ATE1: variants seen among roughly 807,000 people sequenced by gnomAD.
The protein encoded by ATE1 is arginyltransferase 1, also known as arginyl-tRNA--protein transferase 1.
Under a neutral mutation model 70.5 loss-of-function variants are expected in ATE1, and 36 were observed. The observed-to-expected ratio is 0.51, with a 90% CI of 0.39 to 0.67. The LOEUF (loss-of-function observed/expected upper bound fraction) is 0.67. Ranked by LOEUF, ATE1 falls within the 30% of genes least tolerant of loss-of-function variation. ATE1 has a pLI of 0.00. For synonymous variants in ATE1, 232 were observed against 219.3 expected (o/e 1.06, Z -0.51); for missense variants, 593 against 629.5 (o/e 0.94, Z 0.62).
chr10:121,780,541 C>T (rs1271400833), intron 11 of ATE1, among the ~76,000 whole-genome samples: 2 of 152,226 alleles, frequency 1.3e-5, no homozygotes, highest in African/African-American at 4.8e-5. Context: ...TCAAAGAACA[C>T]ATCTGCCAAA....
At chr10:121,796,191 G>T (rs996176652) in intron 10 of ATE1, among the ~76,000 whole-genome samples, 2 of 151,940 alleles carry the variant, frequency 1.3e-5, no homozygotes, top group African/African-American at 4.8e-5. Flanking sequence ...CGTCCAACAA[G>T]AACAAAAGGA....
chr10:121,908,288 G>A (rs557256795), intron 5 of ATE1, among the ~76,000 whole-genome samples: 1 of 152,312 alleles, frequency 6.6e-6, no homozygotes, highest in South Asian at 2.1e-4. Context: ...TGGATCACCT[G>A]AGGTCAGGAG....
chr10:121,868,684 C>G (rs548900563), intron 8 of ATE1, among the ~76,000 whole-genome samples: 1 of 152,044 alleles, frequency 6.6e-6, no homozygotes, highest in Non-Finnish European at 1.5e-5. Flanking sequence ...ATGACTTGCC[C>G]GTGGGCTACT....
At chr10:121,922,305 A>G (rs758983743) in intron 3 of ATE1, 44 bp downstream of exon 3, 1 of 1,335,446 alleles carries the variant, frequency 7.5e-7, no homozygotes, top group Admixed American at 1.9e-5. Flanking sequence ...ATTATACACA[A>G]TCTTCATACT....
chr10:121,787,151 A>T (rs1474402284), intron 11 of ATE1, among the ~76,000 whole-genome samples: 1 of 152,220 alleles, frequency 6.6e-6, no homozygotes, highest in Non-Finnish European at 1.5e-5. Context: ...ACACACCTTG[A>T]AGCCACAGTT....
At chr10:121,800,444 C>T (rs1349879915) in intron 10 of ATE1, among the ~76,000 whole-genome samples, 6 of 152,170 alleles carry the variant, frequency 3.9e-5, no homozygotes, top group African/African-American at 1.4e-4. Flanking sequence ...AACGAACTTT[C>T]CTTTGAACTC....
intron 7 of ATE1, among the ~76,000 whole-genome samples, chr10:121,886,583 TTAA>T (rs1271850904): frequency 6.6e-6 from 1 of 152,188 alleles, no homozygotes; most frequent in Non-Finnish European, 1.5e-5. Flanking sequence ...AATCACTGGG[TTAA>T]TAATATCTTA....
intron 8 of ATE1, among the ~76,000 whole-genome samples, chr10:121,844,543 A>C (rs1397290500): frequency 1.3e-5 from 2 of 152,208 alleles, no homozygotes; most frequent in Non-Finnish European, 2.9e-5. Context: ...AAAATTAAAG[A>C]TCTCAACATA....
In ATE1 at chr10:121,741,973, T is replaced by C. The variant is rs1260428249; in HGVS notation, c.*1707A>G. 6.6e-6 allele frequency: 1 copy of C among 152,222 alleles called. No individual in the cohort carries two copies. Among genetic ancestry groups the C allele is most frequent in the Non-Finnish European group, 1.5e-5 (1 of 68,044 alleles). The allele number at this position is 152,222 out of a possible 1,614,324, so 9.4% of individuals were successfully genotyped here. On this transcript the variant is annotated 3_prime_UTR_variant, in exon 12 of 12. Transcript: ENST00000224652. ...TTATAATCATAAAATGAAGCTCTTT[T>C]CATTTTAGAGGAAAAAGAGAAAAAA...
intron 10 of ATE1, among the ~76,000 whole-genome samples, chr10:121,814,875 C>T (rs1282940200): frequency 6.6e-6 from 1 of 152,210 alleles, no homozygotes; most frequent in African/African-American, 2.4e-5. Context: ...TACCAAACAT[C>T]TCTGCCCCAC....
At chr10:121,911,488 A>G (rs1245154587) in intron 4 of ATE1, among the ~76,000 whole-genome samples, 1 of 152,046 alleles carries the variant, frequency 6.6e-6, no homozygotes, top group Non-Finnish European at 1.5e-5. Flanking sequence ...TAGCAGGGCA[A>G]TGTACTGCCA....
At chr10:121,833,821 A>G (rs1409404860) in intron 10 of ATE1, among the ~76,000 whole-genome samples, 1 of 152,158 alleles carries the variant, frequency 6.6e-6, no homozygotes, top group African/African-American at 2.4e-5. Flanking sequence ...AAAATGGGGA[A>G]TAATTATCTT....
At chr10:121,788,851 T>A (rs1004758805) in intron 11 of ATE1, among the ~76,000 whole-genome samples, 2 of 152,242 alleles carry the variant, frequency 1.3e-5, no homozygotes, top group Non-Finnish European at 2.9e-5. Context: ...GTCAACTTAA[T>A]GCAACCCATC....
intron 11 of ATE1, among the ~76,000 whole-genome samples, chr10:121,745,929 T>C (rs565307781): frequency 3.3e-5 from 5 of 152,242 alleles, no homozygotes; most frequent in South Asian, 4.1e-4. Context: ...CAAAGGAAGA[T>C]AGACTGTTAA....
intron 11 of ATE1, among the ~76,000 whole-genome samples, chr10:121,768,184 C>G (rs541832787): frequency 6.6e-6 from 1 of 152,204 alleles, no homozygotes; most frequent in South Asian, 2.1e-4. Flanking sequence ...TTGCCAGGAG[C>G]TGGAGATGGG....
chr10:121,847,872 C>A (rs1948895472), intron 8 of ATE1, among the ~76,000 whole-genome samples: 1 of 150,726 alleles, frequency 6.6e-6, no homozygotes. Flanking sequence ...GAGATCGAGA[C>A]CATCCTGGCT....
At chr10:121,846,585 T>TA (rs1948831366) in intron 8 of ATE1, 1 of 152,186 alleles carries the variant, frequency 6.6e-6, no homozygotes, top group Non-Finnish European at 1.5e-5. Flanking sequence ...TTGGTGGTGT[T>TA]AAAATGCTGT....
At chr10:121,841,684 T>C (rs755438589) in intron 8 of ATE1, among the ~76,000 whole-genome samples, 32 of 152,292 alleles carry the variant, frequency 2.1e-4, no homozygotes, top group Middle Eastern at 3.4e-3. Context: ...CCAAACACTG[T>C]ATCTTCTCAC....
intron 7 of ATE1, among the ~76,000 whole-genome samples, chr10:121,873,094 T>C (rs957023046): frequency 2.6e-5 from 4 of 152,138 alleles, no homozygotes; most frequent in African/African-American, 7.2e-5. Context: ...TGATTTAACA[T>C]AGTTCAATAA....
Sources: gnomAD v4.1 joint callset for allele counts (sites outside exome capture counted in the v4.1 genomes callset) on GRCh38, gnomAD v4.1.1 for gene constraint, MANE v1.5 for transcripts, NCBI Gene and HGNC (gene_info 2026-07-23, HGNC 2026-07-21) for gene names.